Variants in RABL6 observed in about 807,000 individuals in gnomAD.
RABL6 encodes rab-like protein 6.
A neutral mutation model predicts 72.9 loss-of-function variants in RABL6; 28 were observed. The observed-to-expected ratio is 0.38, with a 90% confidence interval of 0.28 to 0.53. The LOEUF is 0.53. Among genes scored for constraint, RABL6 ranks in the 20% least tolerant of loss-of-function variants. The probability of loss-of-function intolerance (pLI) is 0.80; values close to 1 mark genes in which losing one functional copy is unlikely to be tolerated. For missense variants in RABL6, 1,029 were observed against 1,008.4 expected (o/e 1.02, Z -0.28); for synonymous variants, 477 against 421.2 (o/e 1.13, Z -1.62).
At chr9:136,836,111 C>A (rs973194071) in intron 8 of RABL6, 3 of 397,110 alleles carry the variant, frequency 7.6e-6, no homozygotes, top group South Asian at 4.1e-5. Flanking sequence ...GGTGCTGGTG[C>A]TCATGGAGTG....
chr9:136,834,055 A>G (rs1169959033), intron 7 of RABL6: 1 of 1,444,110 alleles, frequency 6.9e-7, no homozygotes, highest in African/African-American at 1.4e-5. Flanking sequence ...GCTGTGTGTG[A>G]CTATCCTTTT....
intron 10 of RABL6, among the ~76,000 whole-genome samples, chr9:136,838,279 C>G (rs1406434986): frequency 1.3e-5 from 2 of 152,276 alleles, no homozygotes; most frequent in Non-Finnish European, 2.9e-5. Context: ...TGGGCAGATG[C>G]CACATGGAAG....
rs199805458 is a variant in RABL6 at position 136,831,830 on chromosome 9, G to A, written c.568G>A (p.Asp190Asn). The change falls in exon 6 of 15, where the codon GAC becomes AAC. Residue 190 changes from aspartate (D) to asparagine (N), a missense_variant. By Grantham distance (23) the Asp-to-Asn change is conservative (BLOSUM62 1). Coordinates refer to ENST00000311502, the MANE Select transcript of RABL6 (RefSeq NM_024718.5). ...MGEHRVILPD[D>N]VRDFIDNLDR... ...CGAGCACCGAGTCATCCTGCCGGAC[G>A]ACGTGCGTGACTTCATCGACAACCT... The A allele has an allele frequency of 2.1e-4, 346 of 1,612,758 alleles. 1 individual carries two copies. Among genetic ancestry groups the A allele is most frequent in the Middle Eastern group, 5.0e-4 (3 of 6,048 alleles).
In RABL6 at chr9:136,811,609, C is replaced by A. The variant is rs1427530689; in HGVS notation, c.130+3283C>A. 6.8e-5 allele frequency among the ~76,000 whole-genome samples: 10 copies of A among 147,042 alleles called. No individual in the cohort carries two copies. In the South Asian group the frequency reaches 1.7e-3, roughly 25 times the overall value. ...CTCCAGCCTGGGTGACAGAGTCAGA[C>A]CCTGTCTCAAAAAAAAAAAAAAAAA... On this transcript the variant is annotated intron_variant, in intron 1 of 14. Coordinates refer to ENST00000311502, the MANE Select transcript of RABL6 (RefSeq NM_024718.5).
chr9:136,823,522 C>T lies in RABL6; in HGVS notation c.131-3C>T, dbSNP rs1193366136. 6.2e-7 allele frequency: 1 copy of T among 1,613,590 alleles called. No individual in the cohort carries two copies. The highest frequency in any genetic ancestry group is 8.5e-7 in the Non-Finnish European group (1 of 1,179,800). ...CCTTTTCTTTTTCTCTTCCCGTCCC[C>T]AGTGAAGATAGTGATCCGGGGAGAC... On this transcript the variant is annotated splice_polypyrimidine_tract_variant and splice_region_variant and intron_variant, in intron 1 of 14. Coordinates refer to ENST00000311502, the MANE Select transcript of RABL6 (RefSeq NM_024718.5).
chr9:136,817,306 A>G (rs2784093), intron 1 of RABL6, among the ~76,000 whole-genome samples: 128,627 of 152,150 alleles, frequency 0.85, 54,746 homozygotes, highest in African/African-American at 0.95. Flanking sequence ...AGGACTTTCC[A>G]GAGTTCATGA....
At position 136,833,747 on chromosome 9, in the gene RABL6, G is replaced by A. The variant is rs1213813141; in HGVS notation, c.705+1377G>A. 3.9e-6 allele frequency: 6 copies of A among 1,550,372 alleles called. No homozygotes were observed. The Admixed American group carries it at 1.2e-4, about 30-fold the overall frequency. On this transcript the variant is annotated intron_variant, in intron 7 of 14. Transcript: ENST00000311502. Reference sequence around the variant, plus strand: ...GGATGTCAGGCTTGCCCAGGAAAGGGGCTGTGCTGTCGTCCTGGTGTCAGA... The same window carrying A: ...GGATGTCAGGCTTGCCCAGGAAAGGAGCTGTGCTGTCGTCCTGGTGTCAGA...
chr9:136,836,518 C>A (rs1482089173), intron 8 of RABL6: 1 of 152,966 alleles, frequency 6.5e-6, no homozygotes, highest in Non-Finnish European at 1.5e-5. Context: ...TCAGACACAG[C>A]AAGAGACCGA....
chr9:136,835,871 G>A lies in RABL6; in HGVS notation c.809+26G>A, dbSNP rs376388155. The A allele has an allele frequency of 1.9e-5, 29 of 1,545,398 alleles. No individual in the cohort carries two copies. The African/African-American group carries it at 3.4e-4, about 18-fold the overall frequency. ...GTATGTGGCCGGACCCGCCCGTGCGGGCGGTGTGGGGGCTGCGGGCGTGGC... is the reference window on the plus strand; with the variant it reads ...GTATGTGGCCGGACCCGCCCGTGCGAGCGGTGTGGGGGCTGCGGGCGTGGC... On this transcript the variant is annotated intron_variant, in intron 8 of 14. Transcript: ENST00000311502.
chr9:136,839,063 G>A lies in RABL6; in HGVS notation c.1435G>A (p.Ala479Thr). 6.2e-7 allele frequency: 1 copy of A among 1,612,434 alleles called. No homozygotes were observed. The change falls in exon 11 of 15, where the codon GCT (alanine) becomes ACT (threonine). Residue 479 changes from alanine to threonine, a missense_variant. Physicochemically the swap from Ala to Thr is moderately conservative, Grantham distance 58. Coordinates refer to ENST00000311502, the MANE Select transcript of RABL6 (RefSeq NM_024718.5). Reference sequence around the variant, plus strand: ...GAGTGAGGAGGAAGCAGAAGTGGCAGCTCCCACAAAAGGCCCTGCCCCAGC... The same window carrying A: ...GAGTGAGGAGGAAGCAGAAGTGGCAACTCCCACAAAAGGCCCTGCCCCAGC... ...LSSEEEAEVA[A>T]PTKGPAPAPQ...
chr9:136,826,063 G>A lies in RABL6; in HGVS notation c.313+237G>A, dbSNP rs1469145816. On this transcript the variant is annotated intron_variant, in intron 3 of 14. Transcript: ENST00000311502. The surrounding 1 kb of genome is among the most constrained non-coding windows in gnomAD (Gnocchi z 4.9). ...ATACTCCCCGTCTCTGAGTGACCGC[G>A]TGCACGGTGGCGGCAGGTGCAGCCG... 6.6e-6 allele frequency among the ~76,000 whole-genome samples: 1 copy of A among 152,178 alleles called. No individual in the cohort carries two copies. Among genetic ancestry groups the A allele is most frequent in the Admixed American group, 6.5e-5 (1 of 15,288 alleles).
At chr9:136,828,947 G>C (rs913355531) in intron 4 of RABL6, among the ~76,000 whole-genome samples, 1 of 152,202 alleles carries the variant, frequency 6.6e-6, no homozygotes, top group Non-Finnish European at 1.5e-5. Context: ...CCAGGGCCTC[G>C]CACTCTCCGT....
At chr9:136,823,434 C>A in intron 1 of RABL6, 91 bp from the exon 2 acceptor site, 2 of 1,505,274 alleles carry the variant, frequency 1.3e-6, no homozygotes, top group Admixed American at 1.9e-5. Context: ...CAGGTGGCAG[C>A]AGAACCGGCT....
At chr9:136,812,903 C>T in intron 1 of RABL6, 1 of 351,174 alleles carries the variant, frequency 2.8e-6, no homozygotes. Flanking sequence ...GCTTCCTCTA[C>T]CTCCATCACA....
intron 1 of RABL6, chr9:136,821,481 G>A: frequency 1.0e-5 from 10 of 985,392 alleles, no homozygotes; most frequent in Non-Finnish European, 1.2e-5. Flanking sequence ...GGATGGCGCC[G>A]CCGTTCTCTC....
At chr9:136,809,521 A>G in intron 1 of RABL6, 1 of 221,808 alleles carries the variant, frequency 4.5e-6, no homozygotes, top group South Asian at 5.1e-5. Context: ...TCATGCCTGT[A>G]ATCCCAGCAC....
intron 1 of RABL6, among the ~76,000 whole-genome samples, chr9:136,818,562 T>C (rs1297307106): frequency 6.6e-6 from 1 of 151,512 alleles, no homozygotes; most frequent in Non-Finnish European, 1.5e-5. Flanking sequence ...GCCAACATAG[T>C]GAGACCCCAT....
At chr9:136,811,348 T>C (rs1848007748) in intron 1 of RABL6, among the ~76,000 whole-genome samples, 1 of 151,638 alleles carries the variant, frequency 6.6e-6, no homozygotes, top group Non-Finnish European at 1.5e-5. Flanking sequence ...CCGGGCGCGG[T>C]GGCTCACGCC....
At chr9:136,837,754 C>CAGAA (rs1415043345) in intron 9 of RABL6, 92 bp downstream of exon 9, 2 of 1,543,196 alleles carry the variant, frequency 1.3e-6, no homozygotes. Flanking sequence ...CACGCTTCTT[C>CAGAA]CTGCTTGTCC....
Sources: gnomAD v4.1 joint callset for allele counts (sites outside exome capture counted in the v4.1 genomes callset) on GRCh38, gnomAD v4.1.1 for gene constraint, Gnocchi (gnomAD v3.1) non-coding constraint, MANE v1.5 for transcripts, NCBI Gene and HGNC (gene_info 2026-07-23, HGNC 2026-07-21) for gene names.